The following CNTNAP3B variants were observed in gnomAD, a reference collection of about 807,000 sequenced individuals.
CNTNAP3B encodes contactin-associated protein-like 3B.
Under a neutral mutation model 108.9 loss-of-function variants are expected in CNTNAP3B, and 25 were observed. The observed-to-expected ratio is 0.23, with a 90% confidence interval of 0.17 to 0.32. The LOEUF (loss-of-function observed/expected upper bound fraction) is 0.32, where lower values mean the gene tolerates loss of function less well. CNTNAP3B is among the 10% of genes least tolerant of loss of function. The probability of loss-of-function intolerance (pLI) is 1.00; values close to 1 mark genes in which losing one functional copy is unlikely to be tolerated. For synonymous variants in CNTNAP3B, 103 were observed against 473.4 expected, an observed-to-expected ratio of 0.22 and a Z score of 10.16; for missense variants, 252 against 1,210.4, an observed-to-expected ratio of 0.21 and a Z score of 11.75.
At chr9:41,945,417 C>T (rs1346257822) in intron 13 of CNTNAP3B, among the ~76,000 whole-genome samples, 2 of 152,310 alleles carry the variant, frequency 1.3e-5, no homozygotes, top group Admixed American at 1.3e-4. Context: ...ACATATATAC[C>T]ATGGAATACT....
intron 13 of CNTNAP3B, among the ~76,000 whole-genome samples, chr9:41,946,023 AT>A (rs1370464865): frequency 2.6e-5 from 4 of 152,270 alleles, no homozygotes; most frequent in Admixed American, 6.5e-5. Flanking sequence ...AGGGGTCAAT[AT>A]AACAAGAAGA....
chr9:42,088,514 C>T lies in CNTNAP3B; in HGVS notation c.197-11452G>A, dbSNP rs1487026974. ...GTTACATATGCTGCTGAAGCATACT[C>T]TTTGCGTAAGTAAGTAAGATTAATT... On this transcript the variant is annotated intron_variant, in intron 2 of 23. Transcript: ENST00000377561. 2.9e-5 allele frequency among the ~76,000 whole-genome samples: 4 copies of T among 138,824 alleles called. 1 individual carries two copies. The highest frequency in any genetic ancestry group is 6.2e-5 in the Non-Finnish European group (4 of 64,892). 91.1% of individuals were successfully genotyped at this position (138,824 alleles called of 152,430 possible). A position where few individuals can be genotyped will look rare whatever the true frequency, so the allele number is the denominator to read the frequency against.
In CNTNAP3B at chr9:41,934,122, T is replaced by TACACAC. The variant is rs201541186; in HGVS notation, c.2237+4116_2237+4121dup. Among the ~76,000 whole-genome samples, 5 of 73,474 alleles carry TACACAC rather than the reference T, an allele frequency of 6.8e-5. 1 individual carries two copies. Among genetic ancestry groups the TACACAC allele is most frequent in the Non-Finnish European group, 1.0e-4 (4 of 38,150 alleles). The allele number at this position is 73,474 out of a possible 152,430, so 48.2% of individuals were successfully genotyped here. A position where few individuals can be genotyped will look rare whatever the true frequency, so the allele number is the denominator to read the frequency against. The stretch of plus-strand genomic sequence containing the variant: ...TTACATATATATATATATATATATA[T>TACACAC]ACACACACATATATATATACACACA... On this transcript the variant is annotated intron_variant, in intron 14 of 23. Transcript: ENST00000377561.
In CNTNAP3B at chr9:42,117,895, C is replaced by G. The variant is rs760601273; in HGVS notation, c.85+11115G>C. On this transcript the variant is annotated intron_variant, in intron 1 of 23. Coordinates refer to ENST00000377561, the MANE Select transcript of CNTNAP3B (RefSeq NM_001201380.3). ...AAACTACCATCAGAGAATACTATAA[C>G]ACCTCTACACAAATAAACTAGAAAA... is the stretch of plus-strand genomic sequence containing the variant. Among the ~76,000 whole-genome samples, 6 of 139,554 alleles carry G rather than the reference C, an allele frequency of 4.3e-5. 1 individual carries two copies. The highest frequency in any genetic ancestry group is 9.2e-5 in the Non-Finnish European group (6 of 64,994). The allele number at this position is 139,554 out of a possible 152,430, so 91.6% of individuals were successfully genotyped here. A position where few individuals can be genotyped will look rare whatever the true frequency, so the allele number is the denominator to read the frequency against.
chr9:41,950,896 C>T (rs796788499), intron 13 of CNTNAP3B, among the ~76,000 whole-genome samples: 1 of 149,914 alleles, frequency 6.7e-6, no homozygotes, highest in Non-Finnish European at 1.5e-5. Flanking sequence ...AAGTAGACTA[C>T]AGGCACCCGC....
At chr9:42,089,180 G>A in intron 2 of CNTNAP3B, among the ~76,000 whole-genome samples, 1 of 99,576 alleles carries the variant, frequency 1.0e-5, no homozygotes, top group African/African-American at 4.2e-5. Context: ...AAAGGAGAAA[G>A]AAGGGGAAAG....
chr9:41,937,052 AT>A (rs1824179113), intron 14 of CNTNAP3B, among the ~76,000 whole-genome samples: 1 of 150,606 alleles, frequency 6.6e-6, no homozygotes, highest in Non-Finnish European at 1.5e-5. Flanking sequence ...TAGATTAGCT[AT>A]TTTATGTCCA....
chr9:41,986,654 C>G (rs1247606314), intron 8 of CNTNAP3B, among the ~76,000 whole-genome samples: 1 of 151,474 alleles, frequency 6.6e-6, no homozygotes, highest in Non-Finnish European at 1.5e-5. Context: ...GCAAAACTTA[C>G]TTGCTTTACT....
chr9:42,074,438 AG>A (rs1189613547), intron 3 of CNTNAP3B, among the ~76,000 whole-genome samples: 27 of 109,200 alleles, frequency 2.5e-4, no homozygotes, highest in African/African-American at 1.1e-3. Flanking sequence ...GCTTTCTCCA[AG>A]GCCTGTCATT....
intron 2 of CNTNAP3B, among the ~76,000 whole-genome samples, chr9:42,095,626 A>G (rs1464183796): frequency 7.3e-6 from 1 of 137,792 alleles, no homozygotes; most frequent in East Asian, 2.2e-4. Context: ...ATGTAACTTC[A>G]TTTCTCCATA....
At chr9:42,107,557 C>G (rs1828105940) in intron 1 of CNTNAP3B, among the ~76,000 whole-genome samples, 1 of 123,092 alleles carries the variant, frequency 8.1e-6, no homozygotes, top group African/African-American at 3.4e-5. Context: ...CAGCTGGAAA[C>G]AAAATTGCTG....
At chr9:42,053,335 T>A (rs1278543265) in intron 3 of CNTNAP3B, among the ~76,000 whole-genome samples, 1 of 126,878 alleles carries the variant, frequency 7.9e-6, no homozygotes, top group African/African-American at 3.2e-5. Flanking sequence ...AAATGACATG[T>A]TTTAGCCAGT....
chr9:41,919,584 A>G lies in CNTNAP3B; in HGVS notation c.2995+486T>C, dbSNP rs1429822605. On this transcript the variant is annotated intron_variant, in intron 18 of 23. Coordinates refer to ENST00000377561, the MANE Select transcript of CNTNAP3B (RefSeq NM_001201380.3). ...CTAGTTAGTATGCTTGTTTTATAAG[A>G]AAAGACATTTCTATAAAGGCCTTTT... Among the ~76,000 whole-genome samples the G allele has an allele frequency of 2.6e-5, 4 of 152,420 alleles. No homozygotes were observed. The East Asian group carries it at 7.7e-4, about 29-fold the overall frequency.
intron 3 of CNTNAP3B, among the ~76,000 whole-genome samples, chr9:42,048,032 C>T (rs1258521422): frequency 7.6e-6 from 1 of 132,020 alleles, no homozygotes; most frequent in African/African-American, 3.0e-5. Context: ...TTCGTCCTCA[C>T]TGATAAATTC....
In CNTNAP3B at chr9:42,129,382, G is replaced by C. The variant is rs1311260323; in HGVS notation, c.-288C>G. ...GCACGGAGGCGGCAGGTTCAGGCGC[G>C]TCCCGGACACTAGGCGCGGGAGGCG... On this transcript the variant is annotated 5_prime_UTR_variant, in exon 1 of 24. Coordinates refer to ENST00000377561, the MANE Select transcript of CNTNAP3B (RefSeq NM_001201380.3). 1.2e-5 allele frequency: 4 copies of C among 321,894 alleles called. No homozygotes were observed. Among genetic ancestry groups the C allele is most frequent in the Non-Finnish European group, 1.5e-5 (3 of 201,330 alleles). The allele number at this position is 321,894 out of a possible 1,614,324, so 19.9% of individuals were successfully genotyped here.
At chr9:41,927,250 C>T (rs1196553300) in intron 15 of CNTNAP3B, among the ~76,000 whole-genome samples, 17 of 149,336 alleles carry the variant, frequency 1.1e-4, no homozygotes, top group African/African-American at 3.2e-4. Flanking sequence ...AGATGAATGT[C>T]GAGAAGAATT....
intron 13 of CNTNAP3B, 22 bp from the exon 14 acceptor site, chr9:41,938,422 G>T (rs575955116): frequency 6.2e-7 from 1 of 1,601,010 alleles, no homozygotes; most frequent in Non-Finnish European, 8.5e-7. Flanking sequence ...GTATAAGAAA[G>T]ATGACATCTA....
intron 1 of CNTNAP3B, among the ~76,000 whole-genome samples, chr9:42,111,360 G>A (rs1828189517): frequency 7.2e-6 from 1 of 138,930 alleles, no homozygotes; most frequent in African/African-American, 2.9e-5. Flanking sequence ...AAAAGTCTCT[G>A]CTCCTGTGAA....
chr9:41,948,429 C>A (rs1410837424), intron 13 of CNTNAP3B, among the ~76,000 whole-genome samples: 50 of 151,868 alleles, frequency 3.3e-4, no homozygotes, highest in African/African-American at 1.2e-3. Flanking sequence ...AAATTAAAGT[C>A]AATTTTACAT....
Sources: gnomAD v4.1 joint callset for allele counts (sites outside exome capture counted in the v4.1 genomes callset) on GRCh38, gnomAD v4.1.1 for gene constraint, MANE v1.5 for transcripts, NCBI Gene and HGNC (gene_info 2026-07-23, HGNC 2026-07-21) for gene names.